Variants in ZNF469 observed in about 807,000 individuals in gnomAD.
ZNF469 encodes zinc finger protein 469.
A neutral mutation model predicts 1.0 loss-of-function variants in ZNF469; 1 was observed. That is an observed-to-expected ratio of 1.00 (90% CI 0.35 to 4.73). ZNF469 has a LOEUF of 4.73. Among genes scored for constraint, ZNF469 ranks in the 30% most tolerant of loss-of-function variants. The probability of loss-of-function intolerance (pLI) is 0.16; values close to 1 mark genes in which losing one functional copy is unlikely to be tolerated. For missense variants in ZNF469, 6,100 were observed against 5,356.3 expected (o/e 1.14, Z -4.33); for synonymous variants, 2,703 against 2,363.4 (o/e 1.14, Z -4.17).
In ZNF469 at chr16:88,435,753, C is replaced by T. The variant is rs981223435; in HGVS notation, c.8283C>T (p.Thr2761=). ...GGGGGTTCTGGGGACCAAGAGAGAC[C>T]AAGGCGTTGGGTGTGTGCAAAGAGT... ...SARGFWGPRE[T]KALGVCKESG... The change falls in exon 3 of 3, where the codon ACC becomes ACT. Residue 2761 remains threonine, a synonymous_variant. Coordinates refer to ENST00000565624, the MANE Select transcript of ZNF469 (RefSeq NM_001367624.2). The T allele has an allele frequency of 7.7e-6, 12 of 1,550,656 alleles. No homozygotes were observed. The highest frequency in any genetic ancestry group is 1.4e-5 in the African/African-American group (1 of 73,042).
At chr16:88,260,914 G>C in the ZNF469 span, among the ~76,000 whole-genome samples, 3 of 152,306 alleles carry the variant, frequency 2.0e-5, no homozygotes, top group Middle Eastern at 3.4e-3. The surrounding 1 kb of genome is among the most constrained non-coding windows in gnomAD (Gnocchi z 4.1). Flanking sequence ...AAAGGAGGAG[G>C]CTGCGTGGCC....
chr16:88,380,459 A>C (rs559852128), upstream of ZNF469, among the ~76,000 whole-genome samples: 11 of 132,446 alleles, frequency 8.3e-5, no homozygotes, highest in African/African-American at 4.0e-4. Flanking sequence ...ACAGACATGC[A>C]CACACACATG....
At chr16:88,194,172 G>A in the ZNF469 span, 6 of 152,350 alleles carry the variant, frequency 3.9e-5, no homozygotes, top group African/African-American at 1.4e-4. Context: ...TCCTACAGAC[G>A]AGAGACTGCA....
chr16:88,356,167 C>T, the ZNF469 span, among the ~76,000 whole-genome samples: 2 of 152,146 alleles, frequency 1.3e-5, no homozygotes, highest in Non-Finnish European at 1.5e-5. Context: ...CCCTCGTGCC[C>T]CTCCCACACC....
chr16:88,196,499 C>T, the ZNF469 span, among the ~76,000 whole-genome samples: 1 of 152,194 alleles, frequency 6.6e-6, no homozygotes, highest in South Asian at 2.1e-4. Flanking sequence ...AACCTTGTCC[C>T]TTGGCCAGGA....
At chr16:88,268,974 G>A in the ZNF469 span, among the ~76,000 whole-genome samples, 1 of 152,202 alleles carries the variant, frequency 6.6e-6, no homozygotes, top group African/African-American at 2.4e-5. Context: ...CCTTGGAAGG[G>A]CATGGAAGGT....
At chr16:88,372,374 T>C in the ZNF469 span, among the ~76,000 whole-genome samples, 2,437 of 116,082 alleles carry the variant, frequency 0.021, 104 homozygotes, top group Middle Eastern at 0.057. Context: ...ATCACCATCA[T>C]CCCCATCATC....
At chr16:88,164,954 C>T in the ZNF469 span, among the ~76,000 whole-genome samples, 2 of 152,224 alleles carry the variant, frequency 1.3e-5, no homozygotes, top group Non-Finnish European at 2.9e-5. Flanking sequence ...TGTGCCCCGC[C>T]ATGCCACGGT....
chr16:88,156,321 T>C, the ZNF469 span, among the ~76,000 whole-genome samples: 120 of 152,354 alleles, frequency 7.9e-4, no homozygotes, highest in Non-Finnish European at 1.4e-3. Context: ...CCCAGGGTGA[T>C]AAAGATTAAT....
the ZNF469 span, among the ~76,000 whole-genome samples, chr16:88,232,695 C>T: frequency 5.1e-3 from 776 of 152,352 alleles, 4 homozygotes; most frequent in Non-Finnish European, 8.2e-3. Context: ...CAGGCCACGG[C>T]GGCTTCTGCT....
the ZNF469 span, among the ~76,000 whole-genome samples, chr16:88,356,098 C>T: frequency 0.015 from 2,273 of 152,280 alleles, 52 homozygotes; most frequent in African/African-American, 0.051. Flanking sequence ...ACGCCCCGCC[C>T]TCTGCCACAC....
At chr16:88,369,339 G>T in the ZNF469 span, among the ~76,000 whole-genome samples, 1 of 152,210 alleles carries the variant, frequency 6.6e-6, no homozygotes, top group African/African-American at 2.4e-5. Flanking sequence ...AAATCCACCT[G>T]TTGGGACTAA....
Position 88,431,446 on chromosome 16 carries a change from G to A in ZNF469, c.3976G>A (p.Glu1326Lys), listed in dbSNP as rs1453801680. 1.3e-6 allele frequency: 2 copies of A among 1,550,254 alleles called. No individual in the cohort carries two copies. Among genetic ancestry groups the A allele is most frequent in the Non-Finnish European group, 1.7e-6 (2 of 1,146,990 alleles). The change falls in exon 3 of 3, where the codon GAA becomes AAA. Residue 1326 changes from glutamate to lysine, a missense_variant. Glu to Lys is a moderately conservative substitution (Grantham distance 56). Transcript: ENST00000565624. ...SKDPPARQPG[E>K]FLAPVANPSS... Reference sequence around the variant, plus strand: ...GGACCCCCCTGCCCGCCAGCCTGGAGAATTTCTGGCACCCGTGGCTAACCC... The same window carrying A: ...GGACCCCCCTGCCCGCCAGCCTGGAAAATTTCTGGCACCCGTGGCTAACCC...
chr16:88,127,552 C>A, the ZNF469 span, among the ~76,000 whole-genome samples: 118,396 of 151,986 alleles, frequency 0.78, 47,800 homozygotes, highest in Middle Eastern at 0.91. Flanking sequence ...CATTCTGGGG[C>A]GGGAGGAGGA....
the ZNF469 span, among the ~76,000 whole-genome samples, chr16:88,257,620 C>G: frequency 6.6e-6 from 1 of 152,064 alleles, no homozygotes; most frequent in African/African-American, 2.4e-5. Flanking sequence ...TTTATGTTAT[C>G]TTCTAGGAGT....
At chr16:88,199,694 G>A in the ZNF469 span, among the ~76,000 whole-genome samples, 1 of 152,238 alleles carries the variant, frequency 6.6e-6, no homozygotes, top group Non-Finnish European at 1.5e-5. Flanking sequence ...GGAGGGGACA[G>A]AGCCTCAGGC....
At chr16:88,423,835 C>G (rs146112215) in intron 1 of ZNF469, among the ~76,000 whole-genome samples, 280 of 152,350 alleles carry the variant, frequency 1.8e-3, no homozygotes, top group African/African-American at 6.4e-3. Context: ...AAGGAGGAAG[C>G]TGCAGTGCCT....
the ZNF469 span, among the ~76,000 whole-genome samples, chr16:88,323,100 C>T: frequency 1.3e-5 from 2 of 152,314 alleles, no homozygotes; most frequent in African/African-American, 2.4e-5. Flanking sequence ...AAAGTGGGGG[C>T]AGTGATCCCA....
At chr16:88,245,886 G>T in the ZNF469 span, among the ~76,000 whole-genome samples, 1 of 152,290 alleles carries the variant, frequency 6.6e-6, no homozygotes, top group Non-Finnish European at 1.5e-5. Flanking sequence ...AAAGGCAGCC[G>T]AACAGACCAC....
Sources: gnomAD v4.1 joint callset for allele counts (sites outside exome capture counted in the v4.1 genomes callset) on GRCh38, gnomAD v4.1.1 for gene constraint, Gnocchi (gnomAD v3.1) non-coding constraint, MANE v1.5 for transcripts, NCBI Gene and HGNC (gene_info 2026-07-23, HGNC 2026-07-21) for gene names.